RGS22: variants seen among roughly 807,000 people sequenced by gnomAD.
RGS22 encodes the protein regulator of G-protein signaling 22.
In RGS22, 148 loss-of-function variants were observed where a neutral mutation model predicts 172.9. The observed-to-expected ratio is 0.86, with a 90% CI of 0.75 to 0.98. RGS22 has a LOEUF of 0.98. RGS22 is among the 50% of genes least tolerant of loss of function. RGS22 has a pLI of 0.00. For missense variants in RGS22, 1,347 were observed against 1,440.8 expected, an observed-to-expected ratio of 0.93 and a Z score of 1.05; for synonymous variants, 458 against 480.2, an observed-to-expected ratio of 0.95 and a Z score of 0.60.
At chr8:99,967,811 C>A (rs1810913643) in intron 23 of RGS22, among the ~76,000 whole-genome samples, 1 of 152,192 alleles carries the variant, frequency 6.6e-6, no homozygotes, top group Non-Finnish European at 1.5e-5. Flanking sequence ...GCAGCTTCAG[C>A]AGACTTAAAC....
At chr8:100,080,756 A>G (rs1811694798) in intron 3 of RGS22, 1 of 164,862 alleles carries the variant, frequency 6.1e-6, no homozygotes, top group Non-Finnish European at 1.3e-5. Context: ...CATCCTTAGG[A>G]GCCATGAAGG....
chr8:100,061,232 T>C (rs1157397598), intron 9 of RGS22, among the ~76,000 whole-genome samples: 1 of 152,148 alleles, frequency 6.6e-6, no homozygotes, highest in Non-Finnish European at 1.5e-5. Context: ...GCAATACCAT[T>C]CAGGACATAG....
Position 99,965,352 on chromosome 8 carries a change from G to A in RGS22, c.3598C>T (p.Gln1200Ter), listed in dbSNP as rs371496747. 1.2e-6 allele frequency: 2 copies of A among 1,612,926 alleles called. No homozygotes were observed. Among genetic ancestry groups the A allele is most frequent in the African/African-American group, 2.7e-5 (2 of 74,880 alleles). ...ATGCTTACCTGTCGGCCATATGGTT[G>A]GAGGCCTAGGAAGGAATCACTGAGT... ...ALLSDSFLGL[Q>*]PYGRQPTWCY... Residue 1200 changes from glutamine to a stop codon, truncating the protein, a stop_gained, in exon 24 of 28, where the codon CAA (glutamine) becomes TAA (stop). Coordinates refer to ENST00000360863, the MANE Select transcript of RGS22 (RefSeq NM_015668.5). LOFTEE classifies it high-confidence loss of function.
chr8:100,042,107 A>G (rs2131609696), intron 11 of RGS22, 191 bp from the exon 12 acceptor site: 1 of 456,028 alleles, frequency 2.2e-6, no homozygotes, highest in Non-Finnish European at 4.0e-6. Flanking sequence ...ATAGTTATAC[A>G]GAAAGACAAT....
intron 4 of RGS22, 75 bp from the exon 5 acceptor site, chr8:100,072,305 G>C: frequency 3.7e-6 from 3 of 816,050 alleles, no homozygotes; most frequent in South Asian, 1.8e-5. Context: ...CTAATAGTGA[G>C]AGCAATAATG....
intron 6 of RGS22, among the ~76,000 whole-genome samples, chr8:100,069,436 C>A (rs1463956400): frequency 6.6e-6 from 1 of 152,176 alleles, no homozygotes; most frequent in Non-Finnish European, 1.5e-5. Flanking sequence ...GGCCAAAGAT[C>A]AAATAACAGT....
At chr8:100,066,085 A>T (rs1035999474) in intron 7 of RGS22, 82 bp downstream of exon 7, 3 of 1,319,268 alleles carry the variant, frequency 2.3e-6, no homozygotes, top group South Asian at 3.1e-5. Context: ...CCCAACCACT[A>T]AGTACTGTAC....
chr8:100,044,513 C>T (rs932435799), intron 11 of RGS22, among the ~76,000 whole-genome samples: 11 of 152,186 alleles, frequency 7.2e-5, no homozygotes, highest in African/African-American at 2.4e-4. Context: ...TCCCAAAGTG[C>T]TGGAATTACA....
intron 14 of RGS22, 117 bp from the exon 15 acceptor site, chr8:100,008,686 T>A (rs1200623460): frequency 1.5e-6 from 1 of 685,874 alleles, no homozygotes; most frequent in African/African-American, 1.8e-5. Flanking sequence ...CCACGTGATA[T>A]TTTTCTTGAA....
At chr8:100,029,861 GAA>G (rs747560768) in intron 14 of RGS22, among the ~76,000 whole-genome samples, 1 of 151,858 alleles carries the variant, frequency 6.6e-6, no homozygotes, top group Non-Finnish European at 1.5e-5. Context: ...AAATCCCCAG[GAA>G]ATTTTGTAAA....
In RGS22 at chr8:99,981,724, GTT is replaced by G. The variant is rs534670626; in HGVS notation, c.3360+211_3360+212del. 3.6e-3 allele frequency among the ~76,000 whole-genome samples: 464 copies of G among 129,886 alleles called. 4 individuals are homozygous for G. The highest frequency in any genetic ancestry group is 0.011 in the African/African-American group (400 of 35,138). 85.2% of individuals were successfully genotyped at this position (129,886 alleles called of 152,430 possible). A position where few individuals can be genotyped will look rare whatever the true frequency, so the allele number is the denominator to read the frequency against. On this transcript the variant is annotated intron_variant, in intron 22 of 27. Coordinates refer to ENST00000360863, the MANE Select transcript of RGS22 (RefSeq NM_015668.5). ...TTAATTTTTATTTACTTTTTTTTAG[GTT>G]TTTTTTTTTTTTTTTTTAAGAGACG...
chr8:100,085,381 A>G (rs867545426), intron 3 of RGS22, among the ~76,000 whole-genome samples: 9 of 152,342 alleles, frequency 5.9e-5, no homozygotes, highest in South Asian at 2.1e-4. Context: ...AGCACACATT[A>G]TCCAGCAGAG....
intron 3 of RGS22, among the ~76,000 whole-genome samples, chr8:100,092,226 A>G (rs1385707277): frequency 1.3e-5 from 2 of 152,166 alleles, no homozygotes; most frequent in African/African-American, 2.4e-5. Context: ...TTTCCCTGGA[A>G]AACAGTTTCA....
At chr8:100,092,698 A>G (rs933399906) in intron 3 of RGS22, among the ~76,000 whole-genome samples, 2 of 152,190 alleles carry the variant, frequency 1.3e-5, no homozygotes, top group African/African-American at 4.8e-5. Flanking sequence ...TGAGCCAAAT[A>G]AATTTCCATT....
intron 14 of RGS22, among the ~76,000 whole-genome samples, chr8:100,015,082 A>C (rs557104617): frequency 2.0e-5 from 3 of 152,300 alleles, no homozygotes; most frequent in African/African-American, 7.2e-5. Context: ...AAAATTTAAC[A>C]ATCAATGTGG....
At chr8:100,086,222 T>C (rs1337991537) in intron 3 of RGS22, among the ~76,000 whole-genome samples, 1 of 152,150 alleles carries the variant, frequency 6.6e-6, no homozygotes, top group Non-Finnish European at 1.5e-5. Flanking sequence ...ATAGGTTACA[T>C]TTGGTGAACT....
intron 23 of RGS22, among the ~76,000 whole-genome samples, chr8:99,968,775 G>C (rs981488467): frequency 6.6e-5 from 10 of 152,122 alleles, no homozygotes; most frequent in Admixed American, 5.2e-4. Flanking sequence ...GAAAGTGATG[G>C]GGAGAATGGA....
In RGS22 at chr8:100,071,995, G is replaced by A. The variant is rs148875627; in HGVS notation, c.425+150C>T. On this transcript the variant is annotated intron_variant, in intron 5 of 27. Coordinates refer to ENST00000360863, the MANE Select transcript of RGS22 (RefSeq NM_015668.5). The stretch of plus-strand genomic sequence containing the variant: ...GAGGCTCTCTTGAAGCCAGGAGTTC[G>A]AGACCAGCCTGGGCAATATAGCAAG... 1,053 of 531,556 alleles carry A rather than the reference G, an allele frequency of 2.0e-3. 7 individuals carry two copies. The highest frequency in any genetic ancestry group is 0.018 in the African/African-American group (876 of 50,028). The allele number at this position is 531,556 out of a possible 1,614,324, so 32.9% of individuals were successfully genotyped here.
chr8:100,060,307 C>T (rs1047860987), intron 9 of RGS22, among the ~76,000 whole-genome samples: 20 of 150,396 alleles, frequency 1.3e-4, no homozygotes, highest in Non-Finnish European at 2.5e-4. Context: ...AGGATTTGAT[C>T]ATGTTTCACC....
Sources: allele counts gnomAD v4.1 joint callset (sites outside exome capture counted in the v4.1 genomes callset), GRCh38; gene constraint gnomAD v4.1.1; transcripts MANE v1.5; gene names NCBI Gene and HGNC (gene_info 2026-07-23, HGNC 2026-07-21).